GIPC1: variants seen among roughly 807,000 people sequenced by gnomAD.
The protein encoded by GIPC1 is GIPC PDZ domain containing family member 1, also known as PDZ domain-containing protein GIPC1.
GIPC1 carries 15 observed loss-of-function variants against 28.5 expected under a neutral mutation model. That is an observed-to-expected ratio of 0.53 (90% CI 0.35 to 0.81). The LOEUF is 0.81. Among genes scored for constraint, GIPC1 ranks in the 30% least tolerant of loss-of-function variants. GIPC1 has a pLI of 0.01. For missense variants in GIPC1, 439 were observed against 481.9 expected (o/e 0.91, Z 0.83); for synonymous variants, 224 against 206.1 (o/e 1.09, Z -0.74).
chr19:14,480,387 G>A lies in GIPC1; in HGVS notation c.573C>T (p.His191=). The A allele has an allele frequency of 6.2e-7, 1 of 1,613,152 alleles. No homozygotes were observed. Among genetic ancestry groups the A allele is most frequent in the Non-Finnish European group, 8.5e-7 (1 of 1,179,882 alleles). Residue 191 remains histidine (H), a synonymous_variant, in exon 6 of 9, where the codon CAC becomes CAT. Transcript: ENST00000393033. ...CCTTGAGCAGCCGGGCCACCTCGTA[G>A]TGCCGGCAGCCCAGCAGGCTCTGCC... is the stretch of plus-strand genomic sequence containing the variant. ...INGQSLLGCR[H]YEVARLLKEL...
chr19:14,491,474 G>T (rs1415536393), intron 3 of GIPC1, among the ~76,000 whole-genome samples, 182 bp downstream of exon 3: 2 of 152,012 alleles, frequency 1.3e-5, no homozygotes, highest in African/African-American at 4.8e-5. Flanking sequence ...GACCAGGCTG[G>T]TCTGGAACTC....
intron 3 of GIPC1, among the ~76,000 whole-genome samples, chr19:14,488,251 G>C (rs1036775142): frequency 6.6e-6 from 1 of 151,790 alleles, no homozygotes; most frequent in Non-Finnish European, 1.5e-5. Context: ...AGCAGTTTGA[G>C]ACCAGCCTGG....
At chr19:14,485,222 G>A (rs1263368386) in intron 3 of GIPC1, among the ~76,000 whole-genome samples, 1 of 151,834 alleles carries the variant, frequency 6.6e-6, no homozygotes, top group African/African-American at 2.4e-5. Context: ...CTGTCCCCAG[G>A]CTGGAGTGCA....
At chr19:14,481,963 AC>A (rs2071739020) in intron 4 of GIPC1, 1 of 152,626 alleles carries the variant, frequency 6.6e-6, no homozygotes, top group African/African-American at 2.4e-5. Flanking sequence ...CCAAGGCATC[AC>A]GGAGAAGTGC....
In GIPC1 at chr19:14,478,282, C is replaced by T. The variant is rs2071642660; in HGVS notation, c.*134G>A. 1.0e-5 allele frequency: 9 copies of T among 902,858 alleles called. No homozygotes were observed. Among genetic ancestry groups the T allele is most frequent in the Middle Eastern group, 3.4e-4 (1 of 2,902 alleles). The allele number at this position is 902,858 out of a possible 1,614,324, so 55.9% of individuals were successfully genotyped here. ...TGGAGCGGGGCAGGGGGCCTGGCCC[C>T]ACCTCCCCTCACCATCGTCCTTGGG... On this transcript the variant is annotated 3_prime_UTR_variant, in exon 9 of 9. Transcript: ENST00000393033. The surrounding 1 kb of genome is among the most constrained non-coding windows in gnomAD (Gnocchi z 5.2).
In GIPC1 at chr19:14,491,715, T is replaced by C. The variant is rs2071978060; in HGVS notation, c.-90A>G. ...AGCTTCCACCCTCACCCCCTACGAC[T>C]TCTTGTCCAGACAGCAGCCAGAATG... On this transcript the variant is annotated 5_prime_UTR_variant, in exon 3 of 9. Coordinates refer to ENST00000393033, the MANE Select transcript of GIPC1 (RefSeq NM_005716.4). 1 of 152,422 alleles carries C rather than the reference T, an allele frequency of 6.6e-6. No individual in the cohort carries two copies. Among genetic ancestry groups the C allele is most frequent in the Non-Finnish European group, 1.5e-5 (1 of 68,134 alleles). The allele number at this position is 152,422 out of a possible 1,614,324, so 9.4% of individuals were successfully genotyped here.
rs201015324 is a variant in GIPC1 at position 14,482,984 on chromosome 19, G to A, written c.-8C>T. The stretch of plus-strand genomic sequence containing the variant: ...CCCCAGTCCCAGCGGCATGAGCAGC[G>A]AGAAGTGGGGTCACCAGAAGATCTG... On this transcript the variant is annotated 5_prime_UTR_variant, in exon 4 of 9. Coordinates refer to ENST00000393033, the MANE Select transcript of GIPC1 (RefSeq NM_005716.4). 583 of 1,608,258 alleles carry A rather than the reference G, an allele frequency of 3.6e-4. 2 individuals are homozygous for A. Among genetic ancestry groups the A allele is most frequent in the East Asian group, 1.7e-3 (77 of 44,876 alleles).
At chr19:14,488,933 A>AT (rs199859179) in intron 3 of GIPC1, among the ~76,000 whole-genome samples, 99 of 145,456 alleles carry the variant, frequency 6.8e-4, no homozygotes, top group East Asian at 2.4e-3. Flanking sequence ...TGTTTTCCTG[A>AT]TTTTTTTTTT....
intron 3 of GIPC1, among the ~76,000 whole-genome samples, chr19:14,484,517 G>A (rs868414892): frequency 4.6e-5 from 7 of 151,408 alleles, no homozygotes; most frequent in Admixed American, 4.0e-4. Flanking sequence ...AGGCTGAGGC[G>A]GGTGGATCAC....
intron 3 of GIPC1, among the ~76,000 whole-genome samples, chr19:14,488,113 T>C (rs563391688): frequency 1.3e-5 from 2 of 152,240 alleles, no homozygotes; most frequent in African/African-American, 2.4e-5. Flanking sequence ...ATGCAATGAT[T>C]TGGGGCAAGA....
intron 3 of GIPC1, among the ~76,000 whole-genome samples, chr19:14,490,064 C>T (rs1200236167): frequency 6.6e-6 from 1 of 152,110 alleles, no homozygotes; most frequent in Non-Finnish European, 1.5e-5. Flanking sequence ...CGGATTAGTT[C>T]TCCAGAACTT....
chr19:14,489,718 T>C (rs190472629), intron 3 of GIPC1: 14 of 715,562 alleles, frequency 2.0e-5, no homozygotes, highest in Admixed American at 6.4e-5. Flanking sequence ...ATTAGACTTT[T>C]TGTTAAATAA....
intron 6 of GIPC1, 102 bp downstream of exon 6, chr19:14,480,203 C>T (rs1036622958): frequency 2.0e-6 from 2 of 995,800 alleles, no homozygotes; most frequent in Non-Finnish European, 3.1e-6. Flanking sequence ...CCTTCCCTTT[C>T]GGCAGGCCAG....
At chr19:14,479,363 A>G (rs1347885867) in intron 7 of GIPC1, 49 bp downstream of exon 7, 2 of 824,758 alleles carry the variant, frequency 2.4e-6, no homozygotes, top group Non-Finnish European at 3.5e-6. Context: ...AAAAAAAAAA[A>G]AAAGAAAGGG....
At chr19:14,479,660 G>C in intron 6 of GIPC1, 136 bp from the exon 7 acceptor site, 2 of 485,040 alleles carry the variant, frequency 4.1e-6, no homozygotes, top group Non-Finnish European at 7.3e-6. Flanking sequence ...GGCTGGGGCC[G>C]GGGTGATCCC....
At position 14,478,702 on chromosome 19, in the gene GIPC1, T is replaced by C. The variant is rs776649135; in HGVS notation, c.832A>G (p.Ile278Val). 2.4e-5 allele frequency: 39 copies of C among 1,613,638 alleles called. No homozygotes were observed. Among genetic ancestry groups the C allele is most frequent in the Non-Finnish European group, 3.1e-5 (36 of 1,179,866 alleles). Residue 278 changes from isoleucine (I) to valine (V), a missense_variant, in exon 8 of 9, where the codon ATC (isoleucine) becomes GTC (valine). Coordinates refer to ENST00000393033, the MANE Select transcript of GIPC1 (RefSeq NM_005716.4). This position sits in a 1 kb window ranked among gnomAD's most constrained non-coding sequence, Gnocchi z 5.2. ...CACTCACCCAGCTCCGTGTCCCTGA[T>C]ACCCATGTAACTCTCCAGCAGGTCA... ...VDDLLESYMG[I>V]RDTELAATMV...
At chr19:14,488,383 G>A (rs766101200) in intron 3 of GIPC1, among the ~76,000 whole-genome samples, 4 of 151,168 alleles carry the variant, frequency 2.6e-5, no homozygotes, top group Non-Finnish European at 5.9e-5. Context: ...TGCAGGAGGC[G>A]GAGGTTGCAG....
chr19:14,485,736 G>GAGAGAC (rs1568365264), intron 3 of GIPC1, among the ~76,000 whole-genome samples: 5 of 146,544 alleles, frequency 3.4e-5, no homozygotes, highest in African/African-American at 2.5e-5. Context: ...GAGAGAGAGA[G>GAGAGAC]AGAGACAGAG....
At chr19:14,483,639 T>C (rs1186794773) in intron 3 of GIPC1, 2 of 151,086 alleles carry the variant, frequency 1.3e-5, no homozygotes, top group Non-Finnish European at 2.9e-5. Context: ...ATCTCAGTGA[T>C]TCAAGAGGGT....
Sources: gnomAD v4.1 joint callset for allele counts (sites outside exome capture counted in the v4.1 genomes callset) on GRCh38, gnomAD v4.1.1 for gene constraint, Gnocchi (gnomAD v3.1) non-coding constraint, MANE v1.5 for transcripts, NCBI Gene and HGNC (gene_info 2026-07-23, HGNC 2026-07-21) for gene names.